The following ADCY5 variants were observed in gnomAD, a reference collection of about 807,000 sequenced individuals.
ADCY5 encodes adenylate cyclase 5.
A neutral mutation model predicts 119.7 loss-of-function variants in ADCY5; 30 were observed. The ratio of observed to expected loss-of-function variants is 0.25; its 90% CI spans 0.19 to 0.34. The LOEUF is 0.34. Ranked by LOEUF, ADCY5 falls within the 10% of genes least tolerant of loss-of-function variation. The pLI is 1.00. For missense variants in ADCY5, 1,324 were observed against 1,775.2 expected (o/e 0.75, Z 4.57); for synonymous variants, 753 against 762.2 (o/e 0.99, Z 0.20).
chr3:123,302,647 C>T (rs1200737148), intron 14 of ADCY5, among the ~76,000 whole-genome samples: 12 of 152,178 alleles, frequency 7.9e-5, no homozygotes, highest in Admixed American at 2.0e-4. Context: ...TGAATGAGAG[C>T]TCCAGCTCTG....
intron 16 of ADCY5, 103 bp from the exon 17 acceptor site, chr3:123,296,319 C>CG: frequency 7.6e-7 from 1 of 1,313,734 alleles, no homozygotes; most frequent in South Asian, 1.4e-5. Flanking sequence ...CTTCCTCCCA[C>CG]TATACCTTCC....
At chr3:123,294,468 G>A (rs1003387402) in intron 17 of ADCY5, among the ~76,000 whole-genome samples, 6 of 152,252 alleles carry the variant, frequency 3.9e-5, no homozygotes, top group South Asian at 2.1e-4. Context: ...TGACATCACC[G>A]GTGGTGGGAT....
chr3:123,447,747 G>A lies in ADCY5; in HGVS notation c.799C>T (p.Gln267Ter). ...GCCAGCACGGCCAGGTAGGGCAGCT[G>A]GAGCGGGGGCCGCGCCGCGTGGAAG... ...LAFHAARPPL[Q>*]LPYLAVLAAA... is the part of the protein sequence containing the mutation. The change falls in exon 1 of 21, where the codon CAG (glutamine) becomes TAG (stop). Residue 267 changes from glutamine (Q) to a stop codon, truncating the protein, a stop_gained. Transcript: ENST00000462833. LOFTEE classifies it high-confidence loss of function. 6.2e-7 allele frequency: 1 copy of A among 1,602,864 alleles called. No homozygotes were observed. Among genetic ancestry groups the A allele is most frequent in the Non-Finnish European group, 8.5e-7 (1 of 1,173,042 alleles).
intron 3 of ADCY5, among the ~76,000 whole-genome samples, chr3:123,333,069 C>G (rs1941844037): frequency 6.6e-6 from 1 of 152,142 alleles, no homozygotes; most frequent in Non-Finnish European, 1.5e-5. Context: ...CCATTAAATC[C>G]TAATGCCCAA....
intron 1 of ADCY5, among the ~76,000 whole-genome samples, chr3:123,382,301 C>A (rs1944058729): frequency 6.6e-6 from 1 of 152,198 alleles, no homozygotes; most frequent in Admixed American, 6.5e-5. Context: ...GAAATCAGAA[C>A]CTCCAGGCAT....
At chr3:123,365,501 C>T (rs1211040375) in intron 1 of ADCY5, among the ~76,000 whole-genome samples, 1 of 152,126 alleles carries the variant, frequency 6.6e-6, no homozygotes, top group Admixed American at 6.5e-5. Flanking sequence ...AGCAGAGTGG[C>T]CCCCAAGCAA....
intron 4 of ADCY5, 85 bp from the exon 5 acceptor site, chr3:123,331,101 C>T: frequency 6.9e-7 from 1 of 1,450,502 alleles, no homozygotes. Flanking sequence ...AAGATTCACC[C>T]CGTGCCTGGA....
At chr3:123,296,055 T>A in intron 17 of ADCY5, 29 bp downstream of exon 17, 1 of 1,610,852 alleles carries the variant, frequency 6.2e-7, no homozygotes, top group Admixed American at 1.7e-5. Context: ...AATGCCTCCC[T>A]CCCCAGGTCC....
At chr3:123,342,604 G>C (rs1559821802) in intron 3 of ADCY5, among the ~76,000 whole-genome samples, 1 of 152,184 alleles carries the variant, frequency 6.6e-6, no homozygotes, top group Non-Finnish European at 1.5e-5. Flanking sequence ...GCCCTGCGGG[G>C]AATGTTTCTT....
At chr3:123,293,984 C>A (rs927647872) in intron 17 of ADCY5, among the ~76,000 whole-genome samples, 2 of 152,124 alleles carry the variant, frequency 1.3e-5, no homozygotes, top group African/African-American at 4.8e-5. Context: ...GTTGGAAAGT[C>A]AGGAAAAGCT....
Position 123,286,585 on chromosome 3 carries a change from A to G in ADCY5, c.3657+100T>C, listed in dbSNP as rs1259481992. On this transcript the variant is annotated intron_variant, in intron 20 of 20. Coordinates refer to ENST00000462833, the MANE Select transcript of ADCY5 (RefSeq NM_183357.3). The surrounding 1 kb of genome is among the most constrained non-coding windows in gnomAD (Gnocchi z 4.2). ...ATCACCCTTGAATCTGGCTGCAGAC[A>G]TTCTGACTGGGAACTGTAGGTGGCC... 6.2e-6 allele frequency: 9 copies of G among 1,459,566 alleles called. No individual in the cohort carries two copies. The East Asian group carries it at 2.1e-4, about 34-fold the overall frequency. The allele number at this position is 1,459,566 out of a possible 1,614,324, so 90.4% of individuals were successfully genotyped here. A position where few individuals can be genotyped will look rare whatever the true frequency, so the allele number is the denominator to read the frequency against.
rs1945874420 is a variant in ADCY5, at chr3:123,448,581, C to G, written c.-36G>C. ...GCCTCGTCGTCTCCTTCCTCCTCCCCCGGAAGCCGGGCCGGGGGTCTCCAA... is the reference window on the plus strand; with the variant it reads ...GCCTCGTCGTCTCCTTCCTCCTCCCGCGGAAGCCGGGCCGGGGGTCTCCAA... On this transcript the variant is annotated 5_prime_UTR_variant, in exon 1 of 21. Transcript: ENST00000462833. The G allele has an allele frequency of 7.9e-7, 1 of 1,264,118 alleles. No individual in the cohort carries two copies. Among genetic ancestry groups the G allele is most frequent in the Non-Finnish European group, 9.9e-7 (1 of 1,006,782 alleles). The allele number at this position is 1,264,118 out of a possible 1,614,324, so 78.3% of individuals were successfully genotyped here.
intron 9 of ADCY5, 119 bp from the exon 10 acceptor site, chr3:123,319,937 C>T: frequency 7.2e-7 from 1 of 1,387,798 alleles, no homozygotes; most frequent in Non-Finnish European, 9.8e-7. Context: ...CCACCATCAG[C>T]CCAATCAGGG....
At chr3:123,396,536 GAA>G (rs1335640467) in intron 1 of ADCY5, among the ~76,000 whole-genome samples, 1 of 57,780 alleles carries the variant, frequency 1.7e-5, no homozygotes, top group East Asian at 3.8e-4. Context: ...AGAAAGAAAA[GAA>G]AGAAAGAAAG....
intron 12 of ADCY5, among the ~76,000 whole-genome samples, chr3:123,310,119 C>CAG (rs1940469676): frequency 6.7e-6 from 1 of 149,736 alleles, no homozygotes; most frequent in African/African-American, 2.5e-5. Context: ...CACACACACA[C>CAG]ACACACACAC....
At chr3:123,296,950 G>T in intron 16 of ADCY5, 3 of 1,528,586 alleles carry the variant, frequency 2.0e-6, no homozygotes, top group Non-Finnish European at 2.6e-6. Flanking sequence ...TCAATGCAGG[G>T]ACGGGTCCCA....
chr3:123,432,191 G>T (rs1284318778), intron 1 of ADCY5, among the ~76,000 whole-genome samples: 2 of 152,188 alleles, frequency 1.3e-5, no homozygotes, highest in East Asian at 3.8e-4. Flanking sequence ...GGCACTGCAG[G>T]AACTGCTATT....
chr3:123,346,606 C>CTTCTCTCTCTCTCTCTCTCT (rs1942565844), intron 3 of ADCY5, among the ~76,000 whole-genome samples: 1 of 31,396 alleles, frequency 3.2e-5, no homozygotes, highest in Non-Finnish European at 8.9e-5. Flanking sequence ...TCAGCCTCAC[C>CTTCTCTCTCTCTCTCTCTCT]TTCTCTCTCT....
chr3:123,310,149 C>G (rs549063992), intron 12 of ADCY5, among the ~76,000 whole-genome samples: 25 of 147,820 alleles, frequency 1.7e-4, no homozygotes, highest in African/African-American at 5.5e-4. Flanking sequence ...CACACACACA[C>G]AGCTACGCAG....
Sources: gnomAD v4.1 joint callset for allele counts (sites outside exome capture counted in the v4.1 genomes callset) on GRCh38, gnomAD v4.1.1 for gene constraint, Gnocchi (gnomAD v3.1) non-coding constraint, MANE v1.5 for transcripts, NCBI Gene and HGNC (gene_info 2026-07-23, HGNC 2026-07-21) for gene names.